Variants in PACRG observed in about 807,000 individuals in gnomAD.
PACRG encodes parkin coregulated.
In PACRG, 29 loss-of-function variants were observed where a neutral mutation model predicts 29.7. That is an observed-to-expected ratio of 0.98 (90% CI 0.73 to 1.33). The LOEUF is 1.33. PACRG is among the 40% of genes most tolerant of loss of function. The pLI is 0.00. For missense variants in PACRG, 279 were observed against 316.2 expected (o/e 0.88, Z 0.89); for synonymous variants, 116 against 118.7 (o/e 0.98, Z 0.15).
chr6:163,077,655 T>A (rs1812670440), intron 3 of PACRG, among the ~76,000 whole-genome samples: 1 of 152,252 alleles, frequency 6.6e-6, no homozygotes, highest in Non-Finnish European at 1.5e-5. Context: ...AAGTAAATTA[T>A]TCTGAACGTG....
At chr6:162,733,133 G>A (rs901671341) in intron 1 of PACRG, among the ~76,000 whole-genome samples, 2 of 152,194 alleles carry the variant, frequency 1.3e-5, no homozygotes, top group Admixed American at 6.5e-5. Context: ...TAGGAATTTA[G>A]CAGTCAGCAA....
Position 162,814,126 on chromosome 6 carries a change from AT to A in PACRG, c.157-10del, listed in dbSNP as rs34793124. 21,285 of 1,078,856 alleles carry A rather than the reference AT, an allele frequency of 0.02. No individual in the cohort carries two copies. Among genetic ancestry groups the A allele is most frequent in the South Asian group, 0.048 (2,653 of 55,692 alleles). The allele number at this position is 1,078,856 out of a possible 1,614,324, so 66.8% of individuals were successfully genotyped here. On this transcript the variant is annotated intron_variant, in intron 1 of 4. Coordinates refer to ENST00000366888, the MANE Select transcript of PACRG (RefSeq NM_001080379.2). ...TAGTATGTCTTAAAACCTGATCCCT[AT>A]TTTTTTTTTTCCAATTAAGGTGAGA...
intron 4 of PACRG, among the ~76,000 whole-genome samples, chr6:163,150,823 C>G (rs947354161): frequency 6.6e-6 from 1 of 152,188 alleles, no homozygotes; most frequent in South Asian, 2.1e-4. Context: ...CAAAGAAATA[C>G]TGGCTAAATT....
chr6:162,835,632 G>C (rs191145048), intron 2 of PACRG, among the ~76,000 whole-genome samples: 67 of 152,086 alleles, frequency 4.4e-4, no homozygotes, highest in African/African-American at 1.5e-3. Context: ...AAAACCGAAG[G>C]GTTTGTGAAA....
At chr6:163,276,503 T>A (rs1239381234) in intron 4 of PACRG, among the ~76,000 whole-genome samples, 1 of 152,292 alleles carries the variant, frequency 6.6e-6, no homozygotes, top group African/African-American at 2.4e-5. Context: ...TAACCCTTCA[T>A]TCCTACCTGG....
chr6:162,804,663 A>G (rs1168118236), intron 1 of PACRG, among the ~76,000 whole-genome samples: 5 of 152,038 alleles, frequency 3.3e-5, no homozygotes, highest in African/African-American at 9.7e-5. Context: ...CCTTGACTCT[A>G]TATTCTCCTG....
intron 4 of PACRG, among the ~76,000 whole-genome samples, chr6:163,212,113 C>A (rs1053906553): frequency 1.3e-5 from 2 of 151,768 alleles, no homozygotes; most frequent in Non-Finnish European, 2.9e-5. Flanking sequence ...AGGGGTAGAT[C>A]AAATGAATAA....
At chr6:163,078,503 A>G (rs1242529007) in intron 3 of PACRG, among the ~76,000 whole-genome samples, 37 of 137,330 alleles carry the variant, frequency 2.7e-4, no homozygotes, top group Admixed American at 4.4e-4. Context: ...TCAAAAAAAA[A>G]GGGGGGGAGG....
intron 3 of PACRG, among the ~76,000 whole-genome samples, chr6:163,085,012 G>A (rs541490546): frequency 1.3e-5 from 2 of 151,798 alleles, no homozygotes; most frequent in Non-Finnish European, 2.9e-5. Flanking sequence ...ACAACACTGG[G>A]ATACGCCAGC....
intron 1 of PACRG, among the ~76,000 whole-genome samples, chr6:162,806,212 G>A (rs201714908): frequency 5.3e-5 from 8 of 151,438 alleles, no homozygotes; most frequent in South Asian, 4.2e-4. Context: ...GGGTTCAAGC[G>A]ATTCTCCTGC....
chr6:162,986,860 C>T (rs1297978272), intron 2 of PACRG, among the ~76,000 whole-genome samples: 2 of 151,820 alleles, frequency 1.3e-5, no homozygotes, highest in African/African-American at 4.8e-5. Flanking sequence ...CTTTTATTTC[C>T]AGAAGTTGTG....
intron 2 of PACRG, among the ~76,000 whole-genome samples, chr6:162,929,222 A>G (rs1797670564): frequency 6.6e-6 from 1 of 151,976 alleles, no homozygotes; most frequent in African/African-American, 2.4e-5. Flanking sequence ...GTACTAATTT[A>G]CATTCCCCCC....
At chr6:162,932,069 T>A (rs147091121) in intron 2 of PACRG, among the ~76,000 whole-genome samples, 97 of 152,122 alleles carry the variant, frequency 6.4e-4, no homozygotes, top group African/African-American at 2.2e-3. Context: ...AGACTACTAC[T>A]ACTCAGCAAT....
chr6:162,794,263 T>C (rs1382826841), intron 1 of PACRG, among the ~76,000 whole-genome samples: 1 of 152,220 alleles, frequency 6.6e-6, no homozygotes, highest in Admixed American at 6.5e-5. Context: ...TATACTCTTC[T>C]GTTGTTACTA....
intron 3 of PACRG, 74 bp downstream of exon 3, chr6:163,062,395 A>G: frequency 6.9e-7 from 1 of 1,451,328 alleles, no homozygotes; most frequent in East Asian, 2.4e-5. Context: ...ATTAAGCAAT[A>G]AACCATGACA....
chr6:162,844,444 C>T (rs1206119697), intron 2 of PACRG, among the ~76,000 whole-genome samples: 1 of 152,236 alleles, frequency 6.6e-6, no homozygotes, highest in Non-Finnish European at 1.5e-5. Context: ...ATGCCTCGCC[C>T]TGCTTCGGCT....
chr6:162,773,498 T>A (rs1383938832), intron 1 of PACRG, among the ~76,000 whole-genome samples: 1 of 87,740 alleles, frequency 1.1e-5, no homozygotes, highest in Non-Finnish European at 2.2e-5. Flanking sequence ...CTTGTCATTT[T>A]TTTTTTTTTT....
chr6:162,874,957 C>T (rs1413992829), intron 2 of PACRG, among the ~76,000 whole-genome samples: 1 of 151,736 alleles, frequency 6.6e-6, no homozygotes, highest in African/African-American at 2.4e-5. Flanking sequence ...AGTCACATGC[C>T]TCCGGTCACA....
chr6:163,305,161 A>G (rs2128191384), intron 4 of PACRG, among the ~76,000 whole-genome samples: 1 of 152,340 alleles, frequency 6.6e-6, no homozygotes, highest in East Asian at 1.9e-4. Context: ...GGGCCTCCAC[A>G]CCACATTCAA....
Sources: gnomAD v4.1 joint callset for allele counts (sites outside exome capture counted in the v4.1 genomes callset) on GRCh38, gnomAD v4.1.1 for gene constraint, MANE v1.5 for transcripts, NCBI Gene and HGNC (gene_info 2026-07-23, HGNC 2026-07-21) for gene names.